The following EYS variants were observed in gnomAD, a reference collection of about 807,000 sequenced individuals.
The protein encoded by EYS is EGF-like photoreceptor maintenance factor.
Under a neutral mutation model 282.1 loss-of-function variants are expected in EYS, and 250 were observed. That is an observed-to-expected ratio of 0.89 (90% CI 0.80 to 0.98). The LOEUF is 0.98. EYS is among the 50% of genes least tolerant of loss of function. The probability of loss-of-function intolerance (pLI) is 0.00; values close to 1 mark genes in which losing one functional copy is unlikely to be tolerated. For synonymous variants in EYS, 1,355 were observed against 1,282.9 expected, an observed-to-expected ratio of 1.06 and a Z score of -1.20; for missense variants, 4,016 against 3,709.0, an observed-to-expected ratio of 1.08 and a Z score of -2.15.
At chr6:65,073,716 G>T (rs1457130828) in intron 12 of EYS, among the ~76,000 whole-genome samples, 4 of 151,650 alleles carry the variant, frequency 2.6e-5, no homozygotes, top group Admixed American at 6.6e-5. Context: ...ATTGAGACTA[G>T]ACTTTTATTA....
intron 2 of EYS, among the ~76,000 whole-genome samples, chr6:65,580,338 G>T (rs1764823268): frequency 6.6e-6 from 1 of 152,152 alleles, no homozygotes; most frequent in African/African-American, 2.4e-5. Flanking sequence ...GATCAATAAA[G>T]TTACTAAAAA....
At chr6:64,708,286 C>A (rs779220184) in intron 22 of EYS, among the ~76,000 whole-genome samples, 1 of 152,296 alleles carries the variant, frequency 6.6e-6, no homozygotes, top group Admixed American at 6.5e-5. Context: ...GACAGGGAAA[C>A]CCTTAAGACA....
chr6:65,098,628 C>T (rs544257094), intron 12 of EYS, among the ~76,000 whole-genome samples: 30 of 150,832 alleles, frequency 2.0e-4, no homozygotes, highest in African/African-American at 7.0e-4. Flanking sequence ...ATACAACTCC[C>T]AAGAAGCCAA....
intron 1 of EYS, among the ~76,000 whole-genome samples, chr6:65,653,581 G>A (rs1032975207): frequency 2.6e-5 from 4 of 151,638 alleles, no homozygotes; most frequent in African/African-American, 9.7e-5. Context: ...ATTGATTTGC[G>A]GGCAATCCAA....
intron 14 of EYS, among the ~76,000 whole-genome samples, chr6:64,969,713 T>C (rs932898301): frequency 6.6e-6 from 1 of 152,046 alleles, no homozygotes; most frequent in African/African-American, 2.4e-5. Flanking sequence ...CCCACATAGC[T>C]AGTGATGTTA....
chr6:64,658,289 A>T (rs976105868), intron 22 of EYS, among the ~76,000 whole-genome samples: 9 of 141,368 alleles, frequency 6.4e-5, no homozygotes, highest in African/African-American at 1.1e-4. Flanking sequence ...CTTCTTTGCC[A>T]TGGGTTCGAA....
At chr6:64,557,036 AC>A (rs1194407258) in intron 26 of EYS, among the ~76,000 whole-genome samples, 1 of 152,024 alleles carries the variant, frequency 6.6e-6, no homozygotes, top group African/African-American at 2.4e-5. Flanking sequence ...CACTAAGCTG[AC>A]AATAAGTAGA....
In EYS at chr6:64,925,151, C is replaced by T. The variant is rs552718828; in HGVS notation, c.2382-12408G>A. Among the ~76,000 whole-genome samples, 6 of 152,224 alleles carry T rather than the reference C, an allele frequency of 3.9e-5. No individual in the cohort carries two copies. The South Asian group carries it at 1.2e-3, about 32-fold the overall frequency. On this transcript the variant is annotated intron_variant, in intron 15 of 42. Coordinates refer to ENST00000503581, the MANE Select transcript of EYS (RefSeq NM_001142800.2). ...AAAGAATCATGGTGGGAGATGAAAGCCACTTCTTACATGGTAGTGGCAAGA... is the reference window on the plus strand; with the variant it reads ...AAAGAATCATGGTGGGAGATGAAAGTCACTTCTTACATGGTAGTGGCAAGA...
At chr6:65,434,830 CT>C (rs1768015382) in intron 5 of EYS, among the ~76,000 whole-genome samples, 1 of 152,016 alleles carries the variant, frequency 6.6e-6, no homozygotes, top group Non-Finnish European at 1.5e-5. Context: ...TTAATTTATA[CT>C]GCTACTTCTC....
At chr6:65,502,394 TA>T (rs568316328) in intron 2 of EYS, among the ~76,000 whole-genome samples, 2 of 151,688 alleles carry the variant, frequency 1.3e-5, no homozygotes, top group South Asian at 2.1e-4. Flanking sequence ...CATATTTTGT[TA>T]AAAAAATTTA....
At chr6:64,543,759 A>C (rs927405570) in intron 26 of EYS, among the ~76,000 whole-genome samples, 7 of 152,174 alleles carry the variant, frequency 4.6e-5, no homozygotes, top group African/African-American at 1.7e-4. Context: ...AAAATAATTT[A>C]TCAGTTTCCT....
intron 2 of EYS, among the ~76,000 whole-genome samples, chr6:65,535,962 G>C (rs1436183633): frequency 6.6e-6 from 1 of 152,048 alleles, no homozygotes; most frequent in Non-Finnish European, 1.5e-5. Context: ...AGTGGAAACA[G>C]TGCTATCAAC....
intron 35 of EYS, among the ~76,000 whole-genome samples, chr6:63,942,943 T>C (rs919474070): frequency 1.1e-4 from 17 of 152,192 alleles, no homozygotes; most frequent in Admixed American, 1.1e-3. Context: ...TAAATACATT[T>C]TCTTATGATT....
intron 22 of EYS, among the ~76,000 whole-genome samples, chr6:64,697,360 C>A (rs1255217144): frequency 6.6e-6 from 1 of 151,986 alleles, no homozygotes; most frequent in African/African-American, 2.4e-5. Flanking sequence ...CATATGCACC[C>A]CAAACTGGAG....
intron 12 of EYS, among the ~76,000 whole-genome samples, chr6:65,127,493 A>T (rs1187913471): frequency 6.6e-6 from 1 of 152,170 alleles, no homozygotes; most frequent in African/African-American, 2.4e-5. Context: ...AAGCCTATCA[A>T]CACAGTAAAC....
At chr6:65,651,973 TA>T (rs1373565390) in intron 1 of EYS, among the ~76,000 whole-genome samples, 2 of 152,038 alleles carry the variant, frequency 1.3e-5, no homozygotes, top group East Asian at 3.8e-4. Flanking sequence ...TCTTTTTTTT[TA>T]CACTAAATCC....
intron 5 of EYS, among the ~76,000 whole-genome samples, chr6:65,448,644 G>T (rs1176122300): frequency 6.6e-6 from 1 of 151,910 alleles, no homozygotes; most frequent in Non-Finnish European, 1.5e-5. Flanking sequence ...CAGTCACATA[G>T]ACTTGTATAC....
chr6:64,583,209 T>C (rs1026359714), intron 26 of EYS, among the ~76,000 whole-genome samples: 7 of 152,118 alleles, frequency 4.6e-5, no homozygotes, highest in Non-Finnish European at 8.8e-5. Flanking sequence ...TTAATAGTTT[T>C]AATCAGAAGG....
At chr6:64,143,009 A>G (rs968074177) in intron 31 of EYS, among the ~76,000 whole-genome samples, 1 of 152,222 alleles carries the variant, frequency 6.6e-6, no homozygotes, top group East Asian at 1.9e-4. Flanking sequence ...AAAGTGAGAA[A>G]GCCATGAAAA....
Sources: allele counts gnomAD v4.1 joint callset (sites outside exome capture counted in the v4.1 genomes callset), GRCh38; gene constraint gnomAD v4.1.1; transcripts MANE v1.5; gene names NCBI Gene and HGNC (gene_info 2026-07-23, HGNC 2026-07-21).